Variants in SLC45A1 observed in about 807,000 individuals in gnomAD.
The protein encoded by SLC45A1 is proton-associated sugar transporter A.
SLC45A1 carries 28 observed loss-of-function variants against 57.6 expected under a neutral mutation model. That is an observed-to-expected ratio of 0.49 (90% confidence interval 0.36 to 0.67). The LOEUF is 0.67. Among genes scored for constraint, SLC45A1 ranks in the 30% least tolerant of loss-of-function variants. The probability of loss-of-function intolerance (pLI) is 0.00; values close to 1 mark genes in which losing one functional copy is unlikely to be tolerated. For missense variants in SLC45A1, 814 were observed against 1,041.5 expected (o/e 0.78, Z 3.01); for synonymous variants, 459 against 471.5 (o/e 0.97, Z 0.34).
Position 8,339,488 on chromosome 1 carries a change from C to A in SLC45A1, c.1775-5C>A. 6.2e-7 allele frequency: 1 copy of A among 1,614,062 alleles called. No homozygotes were observed. The highest frequency in any genetic ancestry group is 8.5e-7 in the Non-Finnish European group (1 of 1,179,956). On this transcript the variant is annotated splice_region_variant and splice_polypyrimidine_tract_variant and intron_variant, in intron 7 of 8. Coordinates refer to ENST00000471889, the MANE Select transcript of SLC45A1 (RefSeq NM_001080397.3). ...GGCACTGCTCACCCTCTCTGTGGCC[C>A]GCAGCTATCCTGGAGAAGCTGGAGG...
Position 8,335,405 on chromosome 1 carries a change from G to T in SLC45A1, c.1444-32G>T. ...CTGCGCTGTGTGATGGGGGTGCGGG[G>T]CTCTGATGAGGGGTTTGTGGGCTCT... On this transcript the variant is annotated intron_variant, in intron 5 of 8. Coordinates refer to ENST00000471889, the MANE Select transcript of SLC45A1 (RefSeq NM_001080397.3). The surrounding 1 kb of genome is among the most constrained non-coding windows in gnomAD (Gnocchi z 4.1). 6.4e-7 allele frequency: 1 copy of T among 1,556,944 alleles called. No homozygotes were observed. Among genetic ancestry groups the T allele is most frequent in the Non-Finnish European group, 8.6e-7 (1 of 1,156,752 alleles).
intron 1 of SLC45A1, 113 bp downstream of exon 1, chr1:8,318,299 C>T: frequency 2.5e-6 from 1 of 399,256 alleles, no homozygotes. Context: ...CCGAGGCCGG[C>T]ACGGAGACCT....
rs753496605 is a variant in SLC45A1, at chr1:8,337,995, A to G, written c.1774+3A>G. 6.2e-7 allele frequency: 1 copy of G among 1,610,866 alleles called. No individual in the cohort carries two copies. Among genetic ancestry groups the G allele is most frequent in the African/African-American group, 1.3e-5 (1 of 74,942 alleles). The stretch of plus-strand genomic sequence containing the variant: ...CTTCAGTGCTGCCTTCTACTCAGGT[A>G]CCCGCTGCCAGCCAGGCTGGCACGG... On this transcript the variant is annotated splice_donor_region_variant and intron_variant, in intron 7 of 8. Transcript: ENST00000471889.
At chr1:8,336,841 C>T (rs1640626744) in intron 6 of SLC45A1, among the ~76,000 whole-genome samples, 1 of 152,116 alleles carries the variant, frequency 6.6e-6, no homozygotes, top group African/African-American at 2.4e-5. Context: ...AAGGAATTCC[C>T]ATGGTTCAAG....
At position 8,330,173 on chromosome 1, in the gene SLC45A1, C is replaced by A. The variant is rs1010050365; in HGVS notation, c.716-36C>A. On this transcript the variant is annotated intron_variant, in intron 4 of 8. Transcript: ENST00000471889. The surrounding 1 kb of genome is among the most constrained non-coding windows in gnomAD (Gnocchi z 8.4). Reference sequence around the variant, plus strand: ...CCACCGCGTTTGGGGCTTCTCCTCCCGCAGAAGGGAACTCAAACCCTGTCT... The same window carrying A: ...CCACCGCGTTTGGGGCTTCTCCTCCAGCAGAAGGGAACTCAAACCCTGTCT... 3 of 1,596,132 alleles carry A rather than the reference C, an allele frequency of 1.9e-6. No individual in the cohort carries two copies. In the Admixed American group the frequency reaches 5.2e-5, roughly 28 times the overall value.
intron 6 of SLC45A1, among the ~76,000 whole-genome samples, chr1:8,336,917 T>A (rs562375065): frequency 3.3e-5 from 5 of 152,172 alleles, no homozygotes; most frequent in African/African-American, 1.2e-4. Context: ...TTTCTCCCAA[T>A]TAAATGGATC....
Position 8,326,771 on chromosome 1 carries a change from G to T in SLC45A1, c.715+729G>T, listed in dbSNP as rs1640215750. Among the ~76,000 whole-genome samples, 2 of 152,212 alleles carry T rather than the reference G, an allele frequency of 1.3e-5. No individual in the cohort carries two copies. The highest frequency in any genetic ancestry group is 4.8e-5 in the African/African-American group (2 of 41,448). On this transcript the variant is annotated intron_variant, in intron 4 of 8. Coordinates refer to ENST00000471889, the MANE Select transcript of SLC45A1 (RefSeq NM_001080397.3). This position sits in a 1 kb window ranked among gnomAD's most constrained non-coding sequence, Gnocchi z 5.5. ...AGGTGGGTGGATCACCTGAGGTCGG[G>T]AGTTCGAGACCAGCCTGACCAACAT...
Position 8,330,501 on chromosome 1 carries a change from C to G in SLC45A1, c.1008C>G (p.Ser336Arg). 1 of 1,613,124 alleles carries G rather than the reference C, an allele frequency of 6.2e-7. No individual in the cohort carries two copies. Among genetic ancestry groups the G allele is most frequent in the Non-Finnish European group, 8.5e-7 (1 of 1,179,948 alleles). ...CGCACACGGCCACCAACTTCTCCAG[C>G]CCCATCTCGCCGCCCAGCCCCCTCA... is the stretch of plus-strand genomic sequence containing the variant. ...LPSHTATNFS[S>R]PISPPSPLTP... Residue 336 changes from serine (S) to arginine (R), a missense_variant, in exon 5 of 9, where the codon AGC becomes AGG. Physicochemically the swap from Ser to Arg is moderately radical, Grantham distance 110 (BLOSUM62 -1). Coordinates refer to ENST00000471889, the MANE Select transcript of SLC45A1 (RefSeq NM_001080397.3). This position sits in a 1 kb window ranked among gnomAD's most constrained non-coding sequence, Gnocchi z 8.4.
In SLC45A1 at chr1:8,330,570, G is replaced by T. The variant is rs774616329; in HGVS notation, c.1077G>T (p.Thr359=). The T allele has an allele frequency of 1.2e-6, 2 of 1,613,422 alleles. No homozygotes were observed. The highest frequency in any genetic ancestry group is 3.3e-5 in the Admixed American group (2 of 60,022). ...TCATCAGCAGGGACAGCTCCCTGACGGGCATCAGCGAGTTCGCCTCATCCT... is the reference window on the plus strand; with the variant it reads ...TCATCAGCAGGGACAGCTCCCTGACTGGCATCAGCGAGTTCGCCTCATCCT... ...GSFISRDSSL[T]GISEFASSFG... is the part of the protein sequence containing the mutation. The change falls in exon 5 of 9, where the codon ACG becomes ACT. Residue 359 remains threonine, a synonymous_variant. Transcript: ENST00000471889. This position sits in a 1 kb window ranked among gnomAD's most constrained non-coding sequence, Gnocchi z 8.4.
At position 8,334,452 on chromosome 1, in the gene SLC45A1, A is replaced by G. The variant is rs536934320; in HGVS notation, c.1444-985A>G. On this transcript the variant is annotated intron_variant, in intron 5 of 8. Transcript: ENST00000471889. ...TTGCTCTCAAACATCTAAATTCAAA[A>G]ACGACTAGTTCCCCAAGGTGGGAGG... 4.5e-4 allele frequency among the ~76,000 whole-genome samples: 68 copies of G among 150,036 alleles called. 1 individual carries two copies. The Middle Eastern group carries it at 0.014, about 30-fold the overall frequency.
At position 8,339,560 on chromosome 1, in the gene SLC45A1, C is replaced by T. The variant is rs374038568; in HGVS notation, c.1842C>T (p.Phe614=). 6.9e-5 allele frequency: 112 copies of T among 1,614,128 alleles called. No individual in the cohort carries two copies. The highest frequency in any genetic ancestry group is 1.6e-4 in the Middle Eastern group (1 of 6,084). Residue 614 remains phenylalanine (F), a synonymous_variant, in exon 8 of 9, where the codon TTC becomes TTT. Transcript: ENST00000471889. ...TCTACTTCATCGCCTATCTCGCCTT[C>T]GGCCTGGGGACCGGGCTTGCCACCC... The part of the protein sequence containing the change: ...RTLYFIAYLA[F]GLGTGLATLS...
Position 8,337,978 on chromosome 1 carries a change from C to G in SLC45A1, c.1760C>G (p.Ala587Gly), listed in dbSNP as rs138563874. 6.2e-5 allele frequency: 100 copies of G among 1,613,780 alleles called. No individual in the cohort carries two copies. The highest frequency in any genetic ancestry group is 8.3e-5 in the Non-Finnish European group (98 of 1,179,930). The change falls in exon 7 of 9, where the codon GCT becomes GGT. Residue 587 changes from alanine to glycine, a missense_variant. Physicochemically the swap from Ala to Gly is moderately conservative, Grantham distance 60. Coordinates refer to ENST00000471889, the MANE Select transcript of SLC45A1 (RefSeq NM_001080397.3). ...GGCATGTGTATCTACGCCTTCAGTGCTGCCTTCTACTCAGGTACCCGCTGC... is the reference window on the plus strand; with the variant it reads ...GGCATGTGTATCTACGCCTTCAGTGGTGCCTTCTACTCAGGTACCCGCTGC... Reference protein sequence around the residue: ...CWGMCIYAFSAAFYSAILEKL... With the variant: ...CWGMCIYAFSGAFYSAILEKL...
chr1:8,318,250 C>G (rs1441233015), intron 1 of SLC45A1, 64 bp downstream of exon 1: 3 of 411,688 alleles, frequency 7.3e-6, no homozygotes, highest in Non-Finnish European at 1.3e-5. Flanking sequence ...GGGCGCCGCG[C>G]CCTGGGCCCC....
rs753690780 is a variant in SLC45A1, at chr1:8,344,055, G to T, written c.*42G>T. On this transcript the variant is annotated 3_prime_UTR_variant, in exon 9 of 9. Transcript: ENST00000471889. ...CTCCGGACACGCGCCTGCACCTGGG[G>T]GTCTGGAGCAGGCCGACCAGTGAGG... 2 of 1,565,940 alleles carry T rather than the reference G, an allele frequency of 1.3e-6. No homozygotes were observed. The highest frequency in any genetic ancestry group is 2.7e-5 in the African/African-American group (2 of 73,682).
intron 4 of SLC45A1, among the ~76,000 whole-genome samples, chr1:8,329,898 C>T (rs955488263): frequency 6.6e-6 from 1 of 152,038 alleles, no homozygotes; most frequent in African/African-American, 2.4e-5. Context: ...GCTCCAGGGG[C>T]CTGAAAGGTT....
In SLC45A1 at chr1:8,325,256, C is replaced by T; in HGVS notation, c.398-42C>T. On this transcript the variant is annotated intron_variant, in intron 2 of 8. Coordinates refer to ENST00000471889, the MANE Select transcript of SLC45A1 (RefSeq NM_001080397.3). The surrounding 1 kb of genome is among the most constrained non-coding windows in gnomAD (Gnocchi z 6.3). ...AGGCTGATTCGATGTCCCCATGTGC[C>T]ATGGGGACCCTGGCAATGACCGCTG... is the stretch of plus-strand genomic sequence containing the variant. 7.3e-7 allele frequency: 1 copy of T among 1,367,068 alleles called. No homozygotes were observed. Among genetic ancestry groups the T allele is most frequent in the Admixed American group, 1.7e-5 (1 of 58,534 alleles). The allele number at this position is 1,367,068 out of a possible 1,614,324, so 84.7% of individuals were successfully genotyped here. A position where few individuals can be genotyped will look rare whatever the true frequency, so the allele number is the denominator to read the frequency against.
chr1:8,322,246 G>C (rs1288812021), intron 1 of SLC45A1, among the ~76,000 whole-genome samples: 1 of 4 alleles, frequency 0.25, no homozygotes, highest in African/African-American at 0.5. Flanking sequence ...TGGGTGGATG[G>C]ATGGATGAGA....
In SLC45A1 at chr1:8,343,914, C is replaced by G. The variant is rs1313675320; in HGVS notation, c.2148C>G (p.Ser716=). ...TGATGTACTTCTCCAGCCTCGTGTC[C>G]TTCCTGGGCTGCCTGTACTCCTCCC... ...NGVMYFSSLV[S]FLGCLYSSLF... is the part of the protein sequence containing the mutation. The change falls in exon 9 of 9, where the codon TCC becomes TCG. Residue 716 remains serine (S), a synonymous_variant. Coordinates refer to ENST00000471889, the MANE Select transcript of SLC45A1 (RefSeq NM_001080397.3). This position sits in a 1 kb window ranked among gnomAD's most constrained non-coding sequence, Gnocchi z 7.7. 1 of 1,614,052 alleles carries G rather than the reference C, an allele frequency of 6.2e-7. No individual in the cohort carries two copies. Among genetic ancestry groups the G allele is most frequent in the African/African-American group, 1.3e-5 (1 of 74,934 alleles).
intron 5 of SLC45A1, among the ~76,000 whole-genome samples, chr1:8,332,511 ATTTTT>A (rs746223378): frequency 7.2e-6 from 1 of 138,036 alleles, no homozygotes. Flanking sequence ...TCACGGGCTG[ATTTTT>A]TTTTTTTTTT....
Sources: allele counts gnomAD v4.1 joint callset (sites outside exome capture counted in the v4.1 genomes callset), GRCh38; gene constraint gnomAD v4.1.1; non-coding constraint Gnocchi (gnomAD v3.1); transcripts MANE v1.5; gene names NCBI Gene and HGNC (gene_info 2026-07-23, HGNC 2026-07-21).